ATP11C: variants seen among roughly 807,000 people sequenced by gnomAD.
The protein encoded by ATP11C is phospholipid-transporting ATPase IG.
ATP11C carries 36 observed loss-of-function variants against 97.4 expected under a neutral mutation model. The observed-to-expected ratio is 0.37, with a 90% CI of 0.28 to 0.49. The LOEUF is 0.49. Among genes scored for constraint, ATP11C ranks in the 20% least tolerant of loss-of-function variants. ATP11C has a pLI of 0.98. For missense variants in ATP11C, 730 were observed against 824.6 expected (o/e 0.89, Z 1.40); for synonymous variants, 275 against 290.9 (o/e 0.95, Z 0.56).
At chrX:139,817,413 T>TA (rs1411603636) in intron 3 of ATP11C, among the ~76,000 whole-genome samples, 1 of 112,182 alleles carries the variant, frequency 8.9e-6, no homozygotes, top group African/African-American at 3.2e-5. Context: ...GTGAACAGTA[T>TA]ATGCAGGTCT....
At chrX:139,909,538 TAC>T (rs371406757) in intron 1 of ATP11C, among the ~76,000 whole-genome samples, 10 of 107,782 alleles carry the variant, frequency 9.3e-5, no homozygotes, top group East Asian at 5.8e-4. Flanking sequence ...ACTAAACACA[TAC>T]ACACACACAC....
chrX:139,742,875 AAATATATATATATAT>A (rs1324160873), intron 26 of ATP11C, among the ~76,000 whole-genome samples: 8,021 of 25,880 alleles, frequency 0.31, 331 homozygotes, highest in Middle Eastern at 0.46. Context: ...AAAAAAAAAA[AAATATATATATATAT>A]ATATATATAT....
intron 2 of ATP11C, 34 bp downstream of exon 2, chrX:139,826,670 T>C (rs759710216): frequency 1.7e-6 from 2 of 1,144,999 alleles, no homozygotes; most frequent in South Asian, 1.9e-5. Flanking sequence ...TGATTCACTA[T>C]ATGAACATCT....
chrX:139,766,783 C>T lies in ATP11C; in HGVS notation c.2391+1477G>A, dbSNP rs932071971. 1.1e-4 allele frequency among the ~76,000 whole-genome samples: 12 copies of T among 111,863 alleles called. No homozygotes were observed. In the Admixed American group the frequency reaches 1.1e-3, roughly 11 times the overall value. ...GTAGGTAATGGAGACTCTAAGTTTC[C>T]TTGTACCTAGTGAATACAAAGAAGC... is the stretch of plus-strand genomic sequence containing the variant. On this transcript the variant is annotated intron_variant, in intron 20 of 29. Transcript: ENST00000682941.
intron 22 of ATP11C, among the ~76,000 whole-genome samples, chrX:139,760,232 T>C (rs1404063916): frequency 8.9e-6 from 1 of 111,812 alleles, no homozygotes; most frequent in Non-Finnish European, 1.9e-5. Flanking sequence ...CATAGGATGT[T>C]TGTGAGGATT....
At chrX:139,804,422 G>A in intron 6 of ATP11C, 49 bp downstream of exon 6, 2 of 1,091,420 alleles carry the variant, frequency 1.8e-6, no homozygotes, top group Non-Finnish European at 2.5e-6. Flanking sequence ...AGTATTGTAT[G>A]ATTAACTATC....
At chrX:139,892,236 C>T in intron 1 of ATP11C, among the ~76,000 whole-genome samples, 1 of 111,501 alleles carries the variant, frequency 9.0e-6, no homozygotes, top group African/African-American at 3.3e-5. Flanking sequence ...AGGCAGGCAG[C>T]ATGGCAGATC....
chrX:139,787,059 A>G, intron 15 of ATP11C, 114 bp downstream of exon 15: 2 of 1,024,441 alleles, frequency 2.0e-6, no homozygotes, highest in Non-Finnish European at 2.6e-6. Context: ...CTGAACTGGG[A>G]GAGCAGGGTC....
Position 139,895,847 on chromosome X carries a change from CT to C in ATP11C, c.27+36168del, listed in dbSNP as rs762124895. Among the ~76,000 whole-genome samples the C allele has an allele frequency of 9.3e-3, 1,025 of 110,245 alleles. 17 individuals carry two copies. The highest frequency in any genetic ancestry group is 0.031 in the African/African-American group (953 of 30,324). The stretch of plus-strand genomic sequence containing the variant: ...TAAAGGTCACCTTAAACACTTATCT[CT>C]TTTTTTTGCTGGAAACATTTAGTAG... On this transcript the variant is annotated intron_variant, in intron 1 of 29. Coordinates refer to ENST00000682941, the MANE Select transcript of ATP11C (RefSeq NM_001353812.2).
intron 1 of ATP11C, among the ~76,000 whole-genome samples, chrX:139,891,071 G>A (rs530166789): frequency 9.1e-6 from 1 of 110,288 alleles, no homozygotes; most frequent in South Asian, 3.9e-4. Context: ...GGCTTCATGA[G>A]TTATGCCAAG....
chrX:139,926,953 AAGG>A (rs1186103901), intron 1 of ATP11C, among the ~76,000 whole-genome samples: 1 of 112,307 alleles, frequency 8.9e-6, no homozygotes, highest in African/African-American at 3.2e-5. Context: ...GGTCAGATGA[AAGG>A]AGACAAATGC....
intron 19 of ATP11C, among the ~76,000 whole-genome samples, 166 bp downstream of exon 19, chrX:139,774,524 T>G (rs2082312382): frequency 8.9e-6 from 1 of 111,951 alleles, no homozygotes; most frequent in South Asian, 3.7e-4. Context: ...CCAAATAATC[T>G]CAGATGGGCC....
At chrX:139,901,220 G>A (rs139498226) in intron 1 of ATP11C, among the ~76,000 whole-genome samples, 8 of 111,574 alleles carry the variant, frequency 7.2e-5, no homozygotes, top group East Asian at 2.8e-4. Flanking sequence ...CTGTGGAGAC[G>A]TGAGGGGGCA....
At chrX:139,868,964 G>A (rs2084327921) in intron 1 of ATP11C, among the ~76,000 whole-genome samples, 1 of 111,724 alleles carries the variant, frequency 9.0e-6, no homozygotes, top group Non-Finnish European at 1.9e-5. Context: ...AAAATCAAAA[G>A]ATAAAATGTG....
At chrX:139,898,005 C>A (rs1457352662) in intron 1 of ATP11C, among the ~76,000 whole-genome samples, 2 of 110,625 alleles carry the variant, frequency 1.8e-5, no homozygotes, top group Non-Finnish European at 3.8e-5. Context: ...AGTGGGGCTG[C>A]TGGAGACAAT....
chrX:139,832,366 C>A (rs1240429233), intron 1 of ATP11C: 3 of 997,008 alleles, frequency 3.0e-6, no homozygotes, highest in Non-Finnish European at 4.0e-6. Flanking sequence ...GCAAAGGAAG[C>A]ATCAGATGAC....
At chrX:139,736,181 A>G (rs766336272) in intron 28 of ATP11C, among the ~76,000 whole-genome samples, 2 of 112,030 alleles carry the variant, frequency 1.8e-5, no homozygotes, top group Non-Finnish European at 1.9e-5. Context: ...GTGTGAAAAA[A>G]AAAAATGTTC....
chrX:139,775,118 C>A (rs1486382031), intron 18 of ATP11C, among the ~76,000 whole-genome samples, 165 bp from the exon 19 acceptor site: 4 of 111,179 alleles, frequency 3.6e-5, no homozygotes, highest in African/African-American at 1.3e-4. Context: ...TGAGTGTTGT[C>A]TCGGGCATAA....
chrX:139,879,034 G>A (rs1044481007), intron 1 of ATP11C, among the ~76,000 whole-genome samples: 25 of 111,161 alleles, frequency 2.2e-4, no homozygotes, highest in African/African-American at 8.2e-4. Flanking sequence ...GGCTCAGCCT[G>A]GGGAGTTTGA....
Sources: gnomAD v4.1 joint callset for allele counts (sites outside exome capture counted in the v4.1 genomes callset) on GRCh38, gnomAD v4.1.1 for gene constraint, MANE v1.5 for transcripts, NCBI Gene and HGNC (gene_info 2026-07-23, HGNC 2026-07-21) for gene names.